ZNF565: variants seen among roughly 807,000 people sequenced by gnomAD.
ZNF565 encodes the protein zinc finger protein 565.
In ZNF565, 27 loss-of-function variants were observed where a neutral mutation model predicts 39.4. The observed-to-expected ratio is 0.69, with a 90% CI of 0.51 to 0.95. The LOEUF (loss-of-function observed/expected upper bound fraction) is 0.95. Among genes scored for constraint, ZNF565 ranks in the 40% least tolerant of loss-of-function variants. The pLI, the probability that ZNF565 is intolerant of heterozygous loss-of-function variation, is 0.00. For synonymous variants in ZNF565, 185 were observed against 216.6 expected (o/e 0.85, Z 1.28); for missense variants, 524 against 621.1 (o/e 0.84, Z 1.66).
intron 1 of ZNF565, among the ~76,000 whole-genome samples, chr19:36,241,099 T>C (rs1037769703): frequency 6.6e-6 from 1 of 152,240 alleles, no homozygotes; most frequent in African/African-American, 2.4e-5. Context: ...ACTCAGGTAT[T>C]CTGTTATACC....
chr19:36,213,419 C>T (rs1976443815), intron 1 of ZNF565: 1 of 152,386 alleles, frequency 6.6e-6, no homozygotes, highest in African/African-American at 2.4e-5. Flanking sequence ...AAGTCTCGCT[C>T]TTGTCCCCCA....
chr19:36,214,048 G>C (rs916542570), intron 1 of ZNF565, among the ~76,000 whole-genome samples: 17 of 151,586 alleles, frequency 1.1e-4, no homozygotes, highest in African/African-American at 4.1e-4. Flanking sequence ...ACGGCACCCA[G>C]TCACAACTGA....
chr19:36,209,111 C>T (rs975307160), intron 1 of ZNF565, among the ~76,000 whole-genome samples: 9 of 152,016 alleles, frequency 5.9e-5, no homozygotes, highest in African/African-American at 2.2e-4. Flanking sequence ...GGATTACAGG[C>T]GTAATCATTT....
chr19:36,195,057 C>G lies in ZNF565; in HGVS notation c.109G>C (p.Glu37Gln). The change falls in exon 3 of 5, where the codon GAG becomes CAG. Residue 37 changes from glutamate (E) to glutamine (Q), a missense_variant. Coordinates refer to ENST00000304116, the MANE Select transcript of ZNF565 (RefSeq NM_152477.5). Reference sequence around the variant, plus strand: ...AGTGAGGCCAAGTGACCAAAGTTCTCCAGAGTCACCTCCCTGTACAAGTCC... The same window carrying G: ...AGTGAGGCCAAGTGACCAAAGTTCTGCAGAGTCACCTCCCTGTACAAGTCC... ...QRDLYREVTL[E>Q]NFGHLASLGL... The G allele has an allele frequency of 6.2e-7, 1 of 1,614,162 alleles. No homozygotes were observed. The highest frequency in any genetic ancestry group is 1.1e-5 in the South Asian group (1 of 91,080).
chr19:36,195,589 G>GCAAA, intron 2 of ZNF565, among the ~76,000 whole-genome samples: 1 of 144,134 alleles, frequency 6.9e-6, no homozygotes, highest in East Asian at 2.0e-4. Context: ...TTGTTGCCCA[G>GCAAA]GCTAGAGTGC....
intron 2 of ZNF565, among the ~76,000 whole-genome samples, chr19:36,195,361 C>A (rs1158220925): frequency 6.6e-6 from 1 of 151,936 alleles, no homozygotes; most frequent in Non-Finnish European, 1.5e-5. Context: ...TGAGGCAAAT[C>A]CCACATGCCA....
upstream of ZNF565, among the ~76,000 whole-genome samples, chr19:36,216,469 T>C (rs947112317): frequency 2.0e-5 from 3 of 151,950 alleles, no homozygotes; most frequent in South Asian, 4.2e-4. Flanking sequence ...GGTGAAACCC[T>C]GTCTCTACTA....
intron 1 of ZNF565, among the ~76,000 whole-genome samples, chr19:36,211,947 C>T (rs145117994): frequency 1.0e-3 from 156 of 152,192 alleles, no homozygotes; most frequent in African/African-American, 3.4e-3. Flanking sequence ...GGATAAGAAA[C>T]GGGATATTCA....
At chr19:36,217,055 C>CTT (rs752632008), upstream of ZNF565, among the ~76,000 whole-genome samples, 3,882 of 65,744 alleles carry the variant, frequency 0.059, 546 homozygotes, top group Non-Finnish European at 0.081. Flanking sequence ...CAGTCCCTGT[C>CTT]TTTTTTTTTT....
In ZNF565 at chr19:36,192,908, A is replaced by T. The variant is rs12973781; in HGVS notation, c.232+1325T>A. Among the ~76,000 whole-genome samples the T allele has an allele frequency of 2.6e-3, 388 of 151,536 alleles. 3 individuals carry two copies. The highest frequency in any genetic ancestry group is 9.0e-3 in the African/African-American group (373 of 41,338). On this transcript the variant is annotated intron_variant, in intron 4 of 4. Coordinates refer to ENST00000304116, the MANE Select transcript of ZNF565 (RefSeq NM_152477.5). Reference sequence around the variant, plus strand: ...CTCGGTTTACTGCAATCTCCACCTCATGGGTTCAAGAGATTCTCCTGCCTC... The same window carrying T: ...CTCGGTTTACTGCAATCTCCACCTCTTGGGTTCAAGAGATTCTCCTGCCTC...
intron 4 of ZNF565, among the ~76,000 whole-genome samples, chr19:36,192,147 C>G (rs1037200002): frequency 3.3e-5 from 5 of 151,936 alleles, no homozygotes; most frequent in African/African-American, 1.2e-4. Flanking sequence ...CGCCACCACG[C>G]CCAGCTAATT....
intron 1 of ZNF565, among the ~76,000 whole-genome samples, chr19:36,211,162 G>T (rs1410139989): frequency 6.6e-6 from 1 of 152,076 alleles, no homozygotes; most frequent in African/African-American, 2.4e-5. Context: ...AATTAATAAG[G>T]CCAGGCGAGG....
At chr19:36,208,989 C>T (rs545146030) in intron 1 of ZNF565, among the ~76,000 whole-genome samples, 2 of 152,156 alleles carry the variant, frequency 1.3e-5, no homozygotes, top group South Asian at 2.1e-4. Context: ...TGCATCACCA[C>T]GTCTGGCTAG....
At chr19:36,188,138 T>C (rs1428125765) in intron 4 of ZNF565, among the ~76,000 whole-genome samples, 1 of 149,128 alleles carries the variant, frequency 6.7e-6, no homozygotes, top group East Asian at 2.1e-4. Context: ...AGATGGATCA[T>C]GAGGTCAGGA....
In ZNF565 at chr19:36,182,943, T is replaced by TCC; in HGVS notation, c.1021_1022dup (p.Lys342GlufsTer94). On this transcript the variant is annotated frameshift_variant, in exon 5 of 5. Transcript: ENST00000304116. LOFTEE classifies it high-confidence loss of function. ...CTTCTGAGCTGTGAATAAAGCCCTT[T>TCC]CCGCATTCCTTACACTCGTAGGGTT... The TCC allele has an allele frequency of 6.2e-7, 1 of 1,613,842 alleles. No homozygotes were observed. The highest frequency in any genetic ancestry group is 8.5e-7 in the Non-Finnish European group (1 of 1,179,974).
chr19:36,202,734 C>T (rs949393412), intron 1 of ZNF565, among the ~76,000 whole-genome samples: 3 of 152,144 alleles, frequency 2.0e-5, no homozygotes, highest in Admixed American at 6.6e-5. Flanking sequence ...TAAAAGACAT[C>T]CCTAAACGAA....
chr19:36,210,647 C>A (rs1976320969), intron 1 of ZNF565, among the ~76,000 whole-genome samples: 2 of 149,278 alleles, frequency 1.3e-5, no homozygotes, highest in Admixed American at 1.3e-4. Context: ...TTTCCTGAGA[C>A]AGGCTCTTGT....
chr19:36,214,062 T>A (rs563790602), intron 1 of ZNF565, among the ~76,000 whole-genome samples: 1 of 151,798 alleles, frequency 6.6e-6, no homozygotes, highest in South Asian at 2.1e-4. Context: ...CAACTGAACT[T>A]TCACTGTGGA....
chr19:36,199,196 G>A (rs1975867996), intron 2 of ZNF565, among the ~76,000 whole-genome samples: 1 of 152,202 alleles, frequency 6.6e-6, no homozygotes, highest in Non-Finnish European at 1.5e-5. Flanking sequence ...AGCTGATGGA[G>A]GGTATACCTG....
Sources: allele counts gnomAD v4.1 joint callset (sites outside exome capture counted in the v4.1 genomes callset), GRCh38; gene constraint gnomAD v4.1.1; transcripts MANE v1.5; gene names NCBI Gene and HGNC (gene_info 2026-07-23, HGNC 2026-07-21).